IFNLR1: variants seen among roughly 807,000 people sequenced by gnomAD.
IFNLR1 encodes interferon lambda receptor 1.
A neutral mutation model predicts 52.5 loss-of-function variants in IFNLR1; 28 were observed. The ratio of observed to expected loss-of-function variants is 0.53; its 90% CI spans 0.40 to 0.73. The LOEUF (loss-of-function observed/expected upper bound fraction) is 0.73, where lower values mean the gene tolerates loss of function less well. Ranked by LOEUF, IFNLR1 falls within the 30% of genes least tolerant of loss-of-function variation. The probability of loss-of-function intolerance (pLI) is 0.00; values close to 1 mark genes in which losing one functional copy is unlikely to be tolerated. For missense variants in IFNLR1, 623 were observed against 659.1 expected, an observed-to-expected ratio of 0.95 and a Z score of 0.60; for synonymous variants, 276 against 274.9, an observed-to-expected ratio of 1.00 and a Z score of -0.04.
chr1:24,167,585 A>G (rs932824245), intron 3 of IFNLR1, among the ~76,000 whole-genome samples: 3 of 152,008 alleles, frequency 2.0e-5, no homozygotes, highest in Non-Finnish European at 4.4e-5. Flanking sequence ...GGGTTTCACC[A>G]TGTTGGCCAG....
At position 24,187,225 on chromosome 1, in the gene IFNLR1, G is replaced by C. The variant is rs372656259; in HGVS notation, c.24C>G (p.Gly8=). MAGPERW[G]PLLLCLLQAA... Reference sequence around the variant, plus strand: ...CCTGCAGCAGGCACAGGAGCAGGGGGCCCCAGCGCTCGGGCCCCGCCATGG... The same window carrying C: ...CCTGCAGCAGGCACAGGAGCAGGGGCCCCCAGCGCTCGGGCCCCGCCATGG... The change falls in exon 1 of 7, where the codon GGC becomes GGG. Residue 8 remains glycine (G), a synonymous_variant. Coordinates refer to ENST00000327535, the MANE Select transcript of IFNLR1 (RefSeq NM_170743.4). The C allele has an allele frequency of 4.6e-6, 6 of 1,291,800 alleles. No individual in the cohort carries two copies. The highest frequency in any genetic ancestry group is 1.5e-5 in the African/African-American group (1 of 64,680). 80.0% of individuals were successfully genotyped at this position (1,291,800 alleles called of 1,614,324 possible).
At position 24,157,350 on chromosome 1, in the gene IFNLR1, CAGG is replaced by C. The variant is rs1644391733; in HGVS notation, c.1340_1342del (p.Ser447del). 11 of 1,614,172 alleles carry C rather than the reference CAGG, an allele frequency of 6.8e-6. No individual in the cohort carries two copies. The highest frequency in any genetic ancestry group is 9.3e-6 in the Non-Finnish European group (11 of 1,180,032). ...CGGTGGTAAGGTGCCCCAGGTGGCCCAGGAGGAGAGGTTATCTTCTGGGAGCTC... is the reference window on the plus strand; with the variant it reads ...CGGTGGTAAGGTGCCCCAGGTGGCCCAGGAGAGGTTATCTTCTGGGAGCTC... On this transcript the variant is annotated inframe_deletion, in exon 7 of 7. Transcript: ENST00000327535. This position sits in a 1 kb window ranked among gnomAD's most constrained non-coding sequence, Gnocchi z 5.1.
chr1:24,168,010 T>C (rs1280732780), intron 3 of IFNLR1, among the ~76,000 whole-genome samples: 1 of 152,168 alleles, frequency 6.6e-6, no homozygotes, highest in Non-Finnish European at 1.5e-5. Context: ...CTCCTCTTAG[T>C]GTATCTGTAT....
chr1:24,162,768 CTTTCTTTCTT>C (rs1557643867), intron 3 of IFNLR1, among the ~76,000 whole-genome samples: 4,440 of 46,026 alleles, frequency 0.096, 428 homozygotes, highest in East Asian at 0.14. Context: ...TTCTTTCTTT[CTTTCTTTCTT>C]TTTCTTTCTT....
chr1:24,175,020 C>T (rs1644618111), intron 2 of IFNLR1, among the ~76,000 whole-genome samples: 1 of 152,194 alleles, frequency 6.6e-6, no homozygotes, highest in African/African-American at 2.4e-5. Flanking sequence ...CCAGCAGAGG[C>T]ACTTCCAGCT....
chr1:24,162,192 T>C (rs888913397), intron 3 of IFNLR1, among the ~76,000 whole-genome samples: 3 of 152,158 alleles, frequency 2.0e-5, no homozygotes, highest in Non-Finnish European at 4.4e-5. Flanking sequence ...CCCCCTTGGG[T>C]TGTCAGCAAA....
chr1:24,166,423 C>T (rs181510680), intron 3 of IFNLR1, among the ~76,000 whole-genome samples: 18 of 152,294 alleles, frequency 1.2e-4, no homozygotes, highest in Admixed American at 9.8e-4. Flanking sequence ...CTCCTTCCTT[C>T]CTTCCTTGCT....
rs763592462 is a variant in IFNLR1, at chr1:24,159,154, T to C, written c.699A>G (p.Pro233=). The change falls in exon 6 of 7, where the codon CCA becomes CCG. Residue 233 remains proline, a synonymous_variant. Transcript: ENST00000327535. ...PEANWAFLVL[P]SLLILLLVIA... The stretch of plus-strand genomic sequence containing the variant: ...TTACTAACAGCAGTATCAGAAGCGA[T>C]GGCAGCACCAGGAAAGCCCAGTTGG... The C allele has an allele frequency of 1.9e-6, 3 of 1,614,042 alleles. No individual in the cohort carries two copies. Among genetic ancestry groups the C allele is most frequent in the African/African-American group, 2.7e-5 (2 of 74,912 alleles).
In IFNLR1 at chr1:24,159,576, C is replaced by T; in HGVS notation, c.568G>A (p.Ala190Thr). The T allele has an allele frequency of 1.2e-6, 2 of 1,614,034 alleles. No homozygotes were observed. Among genetic ancestry groups the T allele is most frequent in the Non-Finnish European group, 1.7e-6 (2 of 1,179,986 alleles). ...GCACTGAGGCAGTGGTGTTCGCTGG[C>T]AGCTGGCTGGAGAGTGATCTGGACT... The part of the protein sequence containing the change: ...QPVQITLQPA[A>T]SEHHCLSART... The change falls in exon 5 of 7, where the codon GCC (alanine) becomes ACC (threonine). Residue 190 changes from alanine to threonine, a missense_variant. Transcript: ENST00000327535.
chr1:24,186,471 G>A (rs1452667694), intron 1 of IFNLR1, among the ~76,000 whole-genome samples: 2 of 152,160 alleles, frequency 1.3e-5, no homozygotes, highest in Non-Finnish European at 2.9e-5. Flanking sequence ...AGGCTTTTAT[G>A]ATGATTGGAT....
chr1:24,161,625 C>T lies in IFNLR1; in HGVS notation c.427G>A (p.Ala143Thr). The T allele has an allele frequency of 6.5e-7, 1 of 1,548,880 alleles. No individual in the cohort carries two copies. The highest frequency in any genetic ancestry group is 2.4e-5 in the East Asian group (1 of 41,406). Residue 143 changes from alanine to threonine, a missense_variant, in exon 4 of 7, where the codon GCC (alanine) becomes ACC (threonine). Physicochemically the swap from Ala to Thr is moderately conservative, Grantham distance 58. Coordinates refer to ENST00000327535, the MANE Select transcript of IFNLR1 (RefSeq NM_170743.4). ...TQTEEILSAN[A>T]TYQLPPCMPP... ...ATGCAGGGGGGCAGCTGGTACGTGG[C>T]ATTGGCACTCAGGATCTCCTCCGTC...
At chr1:24,167,384 T>C (rs547206497) in intron 3 of IFNLR1, among the ~76,000 whole-genome samples, 4 of 152,148 alleles carry the variant, frequency 2.6e-5, no homozygotes, top group African/African-American at 7.2e-5. Context: ...TCTCCTCTTA[T>C]TATAAATTTT....
intron 2 of IFNLR1, 107 bp from the exon 3 acceptor site, chr1:24,169,708 AGGTCCATCC>A: frequency 8.4e-7 from 1 of 1,196,748 alleles, no homozygotes; most frequent in Non-Finnish European, 1.2e-6. Context: ...GACTGACTTT[AGGTCCATCC>A]GTCCAGACAG....
chr1:24,174,456 T>G (rs1644612160), intron 2 of IFNLR1, among the ~76,000 whole-genome samples: 1 of 152,202 alleles, frequency 6.6e-6, no homozygotes, highest in Admixed American at 6.5e-5. Flanking sequence ...AAGCCTATAT[T>G]GCCTTAAAAA....
intron 4 of IFNLR1, 93 bp from the exon 5 acceptor site, chr1:24,159,726 G>GTTTTTTTTGTTT (rs1644421330): frequency 1.1e-4 from 87 of 762,642 alleles, no homozygotes; most frequent in East Asian, 3.1e-4. Flanking sequence ...ATGGTAGGGT[G>GTTTTTTTTGTTT]TTTTTTTTTT....
chr1:24,165,206 G>A (rs962485467), intron 3 of IFNLR1, among the ~76,000 whole-genome samples: 5 of 152,086 alleles, frequency 3.3e-5, no homozygotes, highest in African/African-American at 9.7e-5. Context: ...AAACCAGGCC[G>A]TGCCTTCCAC....
chr1:24,159,832 C>T (rs543537005), intron 4 of IFNLR1, among the ~76,000 whole-genome samples, 199 bp from the exon 5 acceptor site: 1 of 150,834 alleles, frequency 6.6e-6, no homozygotes, highest in African/African-American at 2.4e-5. Flanking sequence ...CAGCCTCAAA[C>T]TCCTGGGCTC....
At chr1:24,159,000 C>A in intron 6 of IFNLR1, 52 bp downstream of exon 6, 3 of 1,586,096 alleles carry the variant, frequency 1.9e-6, no homozygotes, top group South Asian at 1.1e-5. Flanking sequence ...CAGCCCCACT[C>A]CCTTACTCTC....
At chr1:24,164,762 T>C (rs1010048128) in intron 3 of IFNLR1, among the ~76,000 whole-genome samples, 234 of 84,402 alleles carry the variant, frequency 2.8e-3, no homozygotes, top group African/African-American at 0.011. Context: ...GCAATCTCTT[T>C]TTTTTTTTTT....
Sources: allele counts gnomAD v4.1 joint callset (sites outside exome capture counted in the v4.1 genomes callset), GRCh38; gene constraint gnomAD v4.1.1; non-coding constraint Gnocchi (gnomAD v3.1); transcripts MANE v1.5; gene names NCBI Gene and HGNC (gene_info 2026-07-23, HGNC 2026-07-21).